Variants in TLK1 observed in about 807,000 individuals in gnomAD.
TLK1 encodes the protein tousled like kinase 1, also known as serine/threonine-protein kinase tousled-like 1.
A neutral mutation model predicts 105.3 loss-of-function variants in TLK1; 24 were observed. The observed-to-expected ratio is 0.23, with a 90% CI of 0.17 to 0.32. The LOEUF is 0.32. TLK1 is among the 10% of genes least tolerant of loss of function. The pLI, the probability that TLK1 is intolerant of heterozygous loss-of-function variation, is 1.00. For synonymous variants in TLK1, 321 were observed against 310.4 expected, an observed-to-expected ratio of 1.03 and a Z score of -0.36; for missense variants, 558 against 910.5, an observed-to-expected ratio of 0.61 and a Z score of 4.98.
At chr2:171,040,147 G>A (rs1192692690) in intron 11 of TLK1, among the ~76,000 whole-genome samples, 1 of 152,068 alleles carries the variant, frequency 6.6e-6, no homozygotes, top group African/African-American at 2.4e-5. Flanking sequence ...AAAGAAAAAG[G>A]GGGAGACTAG....
intron 11 of TLK1, among the ~76,000 whole-genome samples, chr2:171,029,053 CA>C: frequency 6.6e-6 from 1 of 151,854 alleles, no homozygotes; most frequent in Non-Finnish European, 1.5e-5. Context: ...ATAGTCTTGG[CA>C]TATAAATAGA....
At chr2:171,129,354 C>T (rs1186575772) in intron 1 of TLK1, among the ~76,000 whole-genome samples, 3 of 152,156 alleles carry the variant, frequency 2.0e-5, no homozygotes, top group Non-Finnish European at 2.9e-5. Flanking sequence ...CCACAGTACT[C>T]CTTCTTGGCC....
chr2:171,151,636 A>G (rs549545452), intron 1 of TLK1, among the ~76,000 whole-genome samples: 26 of 151,594 alleles, frequency 1.7e-4, no homozygotes, highest in African/African-American at 5.1e-4. Context: ...CACCACGCCC[A>G]GCTAATTTTT....
intron 1 of TLK1, among the ~76,000 whole-genome samples, chr2:171,190,445 CT>C (rs1386238407): frequency 6.6e-6 from 1 of 152,186 alleles, no homozygotes; most frequent in Non-Finnish European, 1.5e-5. Context: ...GCATTAGTCA[CT>C]CACAAGAAAA....
chr2:171,111,151 AAGG>A (rs1690140500), intron 2 of TLK1, among the ~76,000 whole-genome samples: 1 of 152,218 alleles, frequency 6.6e-6, no homozygotes, highest in South Asian at 2.1e-4. Context: ...ATGAACAGAA[AAGG>A]AGAATATGAA....
chr2:171,010,634 A>AAG (rs1487163731), intron 14 of TLK1, among the ~76,000 whole-genome samples: 2 of 151,942 alleles, frequency 1.3e-5, no homozygotes, highest in African/African-American at 4.8e-5. Context: ...ACAAAAAAAA[A>AAG]AAAAAAGAAA....
At chr2:171,176,104 A>AT (rs1307441884) in intron 1 of TLK1, among the ~76,000 whole-genome samples, 3 of 151,556 alleles carry the variant, frequency 2.0e-5, no homozygotes, top group Non-Finnish European at 2.9e-5. Context: ...GCCCTGCTAA[A>AT]TTTTTTTGTA....
intron 12 of TLK1, among the ~76,000 whole-genome samples, chr2:171,027,151 T>A (rs754348318): frequency 6.6e-6 from 1 of 152,142 alleles, no homozygotes; most frequent in Admixed American, 6.6e-5. Flanking sequence ...AGTGTAATAG[T>A]AGCTGCTACC....
At chr2:171,100,349 G>A (rs1689634923) in intron 2 of TLK1, among the ~76,000 whole-genome samples, 2 of 152,144 alleles carry the variant, frequency 1.3e-5, no homozygotes, top group Non-Finnish European at 2.9e-5. Context: ...TCTCCCTCAT[G>A]AATGGCCTGG....
intron 2 of TLK1, among the ~76,000 whole-genome samples, chr2:171,086,652 AG>A (rs1273148941): frequency 6.6e-6 from 1 of 151,394 alleles, no homozygotes; most frequent in African/African-American, 2.4e-5. Context: ...AAAAAAAAAC[AG>A]AAAAAAAAAG....
intron 1 of TLK1, among the ~76,000 whole-genome samples, chr2:171,185,129 G>T (rs753959188): frequency 1.3e-5 from 2 of 152,036 alleles, no homozygotes; most frequent in Admixed American, 1.3e-4. Flanking sequence ...GTGAGCCACC[G>T]AGCCCGGCCT....
At chr2:171,191,687 T>C (rs928975614) in intron 1 of TLK1, among the ~76,000 whole-genome samples, 1 of 152,190 alleles carries the variant, frequency 6.6e-6, no homozygotes, top group Non-Finnish European at 1.5e-5. Flanking sequence ...CTTCTGCCAC[T>C]GAAAACTAAA....
At chr2:171,097,793 C>T (rs759659414) in intron 2 of TLK1, among the ~76,000 whole-genome samples, 34 of 151,918 alleles carry the variant, frequency 2.2e-4, no homozygotes, top group African/African-American at 7.3e-4. Context: ...GTGTTGACGG[C>T]GGGTGCCCAT....
chr2:171,161,327 C>T (rs1692493166), upstream of TLK1, among the ~76,000 whole-genome samples: 1 of 152,214 alleles, frequency 6.6e-6, no homozygotes, highest in African/African-American at 2.4e-5. Context: ...TCAGCTGCCG[C>T]TTCTCGGGAG....
At chr2:171,170,392 G>A (rs1214441034) in intron 1 of TLK1, among the ~76,000 whole-genome samples, 4 of 152,174 alleles carry the variant, frequency 2.6e-5, no homozygotes, top group Non-Finnish European at 4.4e-5. Context: ...AGCTAACTAT[G>A]GGAGTGTTGC....
At chr2:171,045,770 C>T (rs1686933719) in intron 11 of TLK1, 1 of 157,654 alleles carries the variant, frequency 6.3e-6, no homozygotes, top group African/African-American at 2.4e-5. Context: ...AAAACAATAC[C>T]TATAACCCAC....
chr2:171,118,571 T>A (rs948682632), intron 1 of TLK1, among the ~76,000 whole-genome samples: 3 of 152,100 alleles, frequency 2.0e-5, no homozygotes, highest in African/African-American at 7.2e-5. Context: ...CCTTGAAAAT[T>A]AAGGGGAAAA....
At chr2:171,226,636 A>G (rs145147089) in intron 1 of TLK1, among the ~76,000 whole-genome samples, 1 of 152,244 alleles carries the variant, frequency 6.6e-6, no homozygotes, top group African/African-American at 2.4e-5. Context: ...TTTGCCTAGA[A>G]CCTGCTATTA....
At chr2:171,215,870 C>T (rs980853865) in intron 1 of TLK1, among the ~76,000 whole-genome samples, 1 of 152,174 alleles carries the variant, frequency 6.6e-6, no homozygotes, top group African/African-American at 2.4e-5. Context: ...ACAATATGCG[C>T]ACCACCACCC....
Sources: allele counts gnomAD v4.1 joint callset (sites outside exome capture counted in the v4.1 genomes callset), GRCh38; gene constraint gnomAD v4.1.1; transcripts MANE v1.5; gene names NCBI Gene and HGNC (gene_info 2026-07-23, HGNC 2026-07-21).